ESRRG: variants seen among roughly 807,000 people sequenced by gnomAD.
The protein encoded by ESRRG is estrogen related receptor gamma, also known as estrogen-related receptor gamma.
Under a neutral mutation model 44.0 loss-of-function variants are expected in ESRRG, and 13 were observed. The observed-to-expected ratio is 0.30, with a 90% CI of 0.19 to 0.47. ESRRG has a LOEUF of 0.47. ESRRG is among the 20% of genes least tolerant of loss of function. ESRRG has a pLI of 1.00. For missense variants in ESRRG, 395 were observed against 580.6 expected (o/e 0.68, Z 3.29); for synonymous variants, 215 against 214.6 (o/e 1.00, Z -0.02).
chr1:216,768,448 C>CT (rs1559557939), intron 2 of ESRRG, among the ~76,000 whole-genome samples: 35 of 88,338 alleles, frequency 4.0e-4, no homozygotes, highest in African/African-American at 1.5e-3. Flanking sequence ...ATCTATCTAT[C>CT]ATTATCTATC....
chr1:216,831,763 G>T (rs2576260), intron 2 of ESRRG, among the ~76,000 whole-genome samples: 91,270 of 151,910 alleles, frequency 0.6, 27,779 homozygotes, highest in Non-Finnish European at 0.64. Context: ...CAGGATTCCT[G>T]ATTACTAAGA....
At chr1:216,676,268 AT>A (rs1325421714) in intron 2 of ESRRG, among the ~76,000 whole-genome samples, 1 of 152,088 alleles carries the variant, frequency 6.6e-6, no homozygotes, top group Non-Finnish European at 1.5e-5. Context: ...TTTCAGTCCT[AT>A]TTTTCTACAC....
chr1:217,080,912 C>G (rs1047318110), intron 1 of ESRRG, among the ~76,000 whole-genome samples: 2 of 151,802 alleles, frequency 1.3e-5, no homozygotes, highest in Non-Finnish European at 2.9e-5. Flanking sequence ...CTCCTGACCT[C>G]GTGATCCGCC....
intron 2 of ESRRG, among the ~76,000 whole-genome samples, chr1:216,781,777 A>G (rs1033354477): frequency 6.6e-6 from 1 of 152,044 alleles, no homozygotes; most frequent in African/African-American, 2.4e-5. Context: ...GGCAAGCCTT[A>G]CTGTTTAACT....
chr1:216,989,105 TG>T (rs1467292166), intron 1 of ESRRG, among the ~76,000 whole-genome samples: 2 of 151,922 alleles, frequency 1.3e-5, no homozygotes, highest in African/African-American at 4.8e-5. Context: ...TATTCTAGAG[TG>T]GGTAATTTTT....
intron 1 of ESRRG, among the ~76,000 whole-genome samples, chr1:217,038,696 G>C (rs945696580): frequency 6.6e-6 from 1 of 152,206 alleles, no homozygotes; most frequent in East Asian, 1.9e-4. Flanking sequence ...CCTGTGATGG[G>C]AGGGGCTGCC....
At chr1:217,023,188 A>G (rs112572916) in intron 1 of ESRRG, among the ~76,000 whole-genome samples, 33 of 152,310 alleles carry the variant, frequency 2.2e-4, no homozygotes, top group African/African-American at 7.7e-4. Context: ...TCTCTAAAAG[A>G]TTCCCTAAGA....
chr1:216,867,938 T>C (rs2096195536), intron 2 of ESRRG, among the ~76,000 whole-genome samples: 1 of 152,116 alleles, frequency 6.6e-6, no homozygotes, highest in African/African-American at 2.4e-5. Context: ...CCCTAACTCC[T>C]GGCAACCACT....
At chr1:216,755,013 T>C (rs2092358042) in intron 2 of ESRRG, among the ~76,000 whole-genome samples, 2 of 151,994 alleles carry the variant, frequency 1.3e-5, no homozygotes, top group South Asian at 2.1e-4. Flanking sequence ...AAGGAGAGTA[T>C]GGCTTTCATG....
chr1:216,851,097 A>G (rs542068559), intron 2 of ESRRG, among the ~76,000 whole-genome samples: 2 of 151,118 alleles, frequency 1.3e-5, no homozygotes, highest in African/African-American at 4.9e-5. Flanking sequence ...AATACATTCT[A>G]TACTACCTAT....
At chr1:216,660,647 G>A (rs937785767) in intron 2 of ESRRG, among the ~76,000 whole-genome samples, 1 of 152,188 alleles carries the variant, frequency 6.6e-6, no homozygotes, top group African/African-American at 2.4e-5. Flanking sequence ...TGTTGCTATT[G>A]TTGCCAGTCA....
At chr1:217,102,297 A>G (rs1307827442) in intron 1 of ESRRG, among the ~76,000 whole-genome samples, 1 of 152,198 alleles carries the variant, frequency 6.6e-6, no homozygotes, top group African/African-American at 2.4e-5. Context: ...GGGATCTGGG[A>G]GTCAATCCCA....
chr1:216,885,668 T>C (rs932866413), intron 2 of ESRRG, among the ~76,000 whole-genome samples: 8 of 152,146 alleles, frequency 5.3e-5, no homozygotes, highest in Non-Finnish European at 1.0e-4. Context: ...TTGCCAGGGA[T>C]TTTCCTTAAA....
At chr1:216,748,723 G>A (rs1412518154) in intron 2 of ESRRG, among the ~76,000 whole-genome samples, 1 of 152,112 alleles carries the variant, frequency 6.6e-6, no homozygotes, top group East Asian at 1.9e-4. Flanking sequence ...ATGTTGTCAG[G>A]CCAGCCAACT....
chr1:216,682,901 A>G (rs1343318890), intron 1 of ESRRG, among the ~76,000 whole-genome samples: 2 of 152,010 alleles, frequency 1.3e-5, no homozygotes, highest in Non-Finnish European at 2.9e-5. Flanking sequence ...AACTAATTGC[A>G]CTCTCGTAAA....
At chr1:216,957,641 T>C (rs2068208833) in intron 1 of ESRRG, among the ~76,000 whole-genome samples, 1 of 152,174 alleles carries the variant, frequency 6.6e-6, no homozygotes, top group South Asian at 2.1e-4. Flanking sequence ...CCTTACCACC[T>C]CTATCCACAG....
At chr1:216,764,573 G>GT (rs1001826116) in intron 2 of ESRRG, among the ~76,000 whole-genome samples, 1 of 151,906 alleles carries the variant, frequency 6.6e-6, no homozygotes, top group African/African-American at 2.4e-5. Context: ...CCGGCCCAGG[G>GT]GGGGACTCTT....
At chr1:217,013,659 A>G (rs1304762539) in intron 1 of ESRRG, among the ~76,000 whole-genome samples, 4 of 152,152 alleles carry the variant, frequency 2.6e-5, no homozygotes, top group African/African-American at 7.2e-5. Flanking sequence ...TGGATAAAAG[A>G]TTGTTTAGTG....
intron 3 of ESRRG, among the ~76,000 whole-genome samples, chr1:216,585,965 G>A (rs1174818336): frequency 1.3e-5 from 2 of 152,086 alleles, no homozygotes; most frequent in African/African-American, 2.4e-5. Flanking sequence ...GCGTGAACCC[G>A]GGAGGCGGAG....
Sources: gnomAD v4.1 joint callset for allele counts (sites outside exome capture counted in the v4.1 genomes callset) on GRCh38, gnomAD v4.1.1 for gene constraint, MANE v1.5 for transcripts, NCBI Gene and HGNC (gene_info 2026-07-23, HGNC 2026-07-21) for gene names.